SRCAP: variants seen among roughly 807,000 people sequenced by gnomAD.
SRCAP encodes Snf2 related CREBBP activator protein, also known as chromatin remodeling protein SRCAP.
SRCAP carries 46 observed loss-of-function variants against 263.1 expected under a neutral mutation model. That is an observed-to-expected ratio of 0.17 (90% CI 0.14 to 0.22). The LOEUF (loss-of-function observed/expected upper bound fraction) is 0.22, where lower values mean the gene tolerates loss of function less well. Among genes scored for constraint, SRCAP ranks in the 10% least tolerant of loss-of-function variants. SRCAP has a pLI of 1.00. For synonymous variants in SRCAP, 1,813 were observed against 1,662.1 expected, an observed-to-expected ratio of 1.09 and a Z score of -2.21; for missense variants, 3,695 against 4,181.9, an observed-to-expected ratio of 0.88 and a Z score of 3.21.
chr16:30,733,223 G>A lies in SRCAP; in HGVS notation c.6128-57G>A, dbSNP rs1304835080. 7.4e-5 allele frequency: 117 copies of A among 1,575,684 alleles called. No homozygotes were observed. Among genetic ancestry groups the A allele is most frequent in the Non-Finnish European group, 3.3e-5 (38 of 1,158,734 alleles). ...TTCAACCCCAGCCTTGCATTGCTAA[G>A]CATTCTACCCATTGCGGCTTGTAGC... On this transcript the variant is annotated intron_variant, in intron 27 of 33. Coordinates refer to ENST00000262518, the MANE Select transcript of SRCAP (RefSeq NM_006662.3). This position sits in a 1 kb window ranked among gnomAD's most constrained non-coding sequence, Gnocchi z 5.3.
chr16:30,708,908 T>C (rs2151287026), intron 6 of SRCAP, among the ~76,000 whole-genome samples: 1 of 152,264 alleles, frequency 6.6e-6, no homozygotes, highest in South Asian at 2.1e-4. Context: ...AACCTCTGCC[T>C]CCCAGGTTCA....
chr16:30,716,587 C>G (rs776239138), intron 18 of SRCAP, 108 bp downstream of exon 18: 69 of 938,778 alleles, frequency 7.3e-5, no homozygotes, highest in Non-Finnish European at 1.1e-4. Context: ...CATGACTCCC[C>G]TATCATTCCC....
Position 30,720,703 on chromosome 16 carries a change from T to A in SRCAP, c.2988-10T>A. 6.3e-7 allele frequency: 1 copy of A among 1,580,832 alleles called. No individual in the cohort carries two copies. The highest frequency in any genetic ancestry group is 8.6e-7 in the Non-Finnish European group (1 of 1,160,878). On this transcript the variant is annotated splice_polypyrimidine_tract_variant and intron_variant, in intron 19 of 33. Coordinates refer to ENST00000262518, the MANE Select transcript of SRCAP (RefSeq NM_006662.3). ...CTGTCCCTACCCACTCTCTTAATTT[T>A]TTCTCACAGGATGCTGCAGCCAGTA...
rs2053093051 is a variant in SRCAP, at chr16:30,729,447, C to T, written c.6002C>T (p.Pro2001Leu). 1.2e-6 allele frequency: 2 copies of T among 1,614,112 alleles called. No individual in the cohort carries two copies. Among genetic ancestry groups the T allele is most frequent in the African/African-American group, 2.7e-5 (2 of 74,932 alleles). ...TGCCACCCACCTCCTTGGCTGGCCC[C>T]ACGTCAGGCAGCCTTCCAGGAGCAA... ...HACHPPPWLA[P>L]RQAAFQEQLA... Residue 2001 changes from proline to leucine, a missense_variant, in exon 27 of 34, where the codon CCA (proline) becomes CTA (leucine). This residue lies in a region of SRCAP where 1,347 missense variants were observed against 1,304.4 expected (regional missense o/e 1.03). Coordinates refer to ENST00000262518, the MANE Select transcript of SRCAP (RefSeq NM_006662.3).
At chr16:30,730,223 T>A (rs77470611) in intron 27 of SRCAP, among the ~76,000 whole-genome samples, 1 of 152,208 alleles carries the variant, frequency 6.6e-6, no homozygotes, top group Non-Finnish European at 1.5e-5. Context: ...GGAAAAGATG[T>A]CTGGTGGTAC....
chr16:30,700,244 A>G (rs2052750233), intron 2 of SRCAP, among the ~76,000 whole-genome samples: 1 of 152,192 alleles, frequency 6.6e-6, no homozygotes, highest in Non-Finnish European at 1.5e-5. Context: ...AAGCCCTCCT[A>G]TCACTTTTTT....
chr16:30,721,406 A>C lies in SRCAP; in HGVS notation c.3471A>C (p.Thr1157=). The C allele has an allele frequency of 6.2e-7, 1 of 1,613,688 alleles. No individual in the cohort carries two copies. The highest frequency in any genetic ancestry group is 8.5e-7 in the Non-Finnish European group (1 of 1,180,026). Residue 1157 remains threonine (T), a synonymous_variant, in exon 21 of 34, where the codon ACA becomes ACC. Transcript: ENST00000262518. ...TSTTTATATT[T]AVPAPTPAPQ... is the part of the protein sequence containing the mutation. ...CCACCACGGCAACTGCTACCACCAC[A>C]GCAGTGCCAGCTCCGACTCCTGCAC...
Position 30,709,720 on chromosome 16 carries a change from C to T in SRCAP, c.841C>T (p.Arg281Cys), listed in dbSNP as rs1480712980. 6 of 1,614,034 alleles carry T rather than the reference C, an allele frequency of 3.7e-6. No individual in the cohort carries two copies. The highest frequency in any genetic ancestry group is 3.3e-5 in the South Asian group (3 of 91,080). Residue 281 changes from arginine to cysteine, a missense_variant, in exon 7 of 34, where the codon CGC becomes TGC. Coordinates refer to ENST00000262518, the MANE Select transcript of SRCAP (RefSeq NM_006662.3). ...AASSPPPPAS[R>C]LDDEDGDFQP... ...CTCCAGTCCTCCACCCCCTGCTTCT[C>T]GCCTGGATGATGAAGGTGTGTGTTC... is the stretch of plus-strand genomic sequence containing the variant.
At position 30,725,022 on chromosome 16, in the gene SRCAP, G is replaced by C. The variant is rs776887179; in HGVS notation, c.5598G>C (p.Ser1866=). 1.9e-6 allele frequency: 3 copies of C among 1,611,524 alleles called. No homozygotes were observed. In the South Asian group the frequency reaches 3.3e-5, roughly 18 times the overall value. Residue 1866 remains serine (S), a synonymous_variant, in exon 25 of 34, where the codon TCG becomes TCC. Coordinates refer to ENST00000262518, the MANE Select transcript of SRCAP (RefSeq NM_006662.3). ...CCAGCCCTCCCTCCACTGCTACCTC[G>C]TTTGGTGGCCCCCGGCCTCGACGCC... ...GPPSPPSTAT[S]FGGPRPRRQP...
chr16:30,720,416 G>A, intron 19 of SRCAP, 85 bp downstream of exon 19: 1 of 1,467,050 alleles, frequency 6.8e-7, no homozygotes. Flanking sequence ...GAAGAAAAGA[G>A]TTGGATGCAA....
chr16:30,723,801 C>A lies in SRCAP; in HGVS notation c.4377C>A (p.Ile1459=). Reference sequence around the variant, plus strand: ...CCTCGGCTCCACTCACCATCCCCATCTCAGCCCCCTTGACTGTTTCTGCTT... The same window carrying A: ...CCTCGGCTCCACTCACCATCCCCATATCAGCCCCCTTGACTGTTTCTGCTT... ...APASAPLTIP[I]SAPLTVSASG... The change falls in exon 25 of 34, where the codon ATC becomes ATA. Residue 1459 remains isoleucine (I), a synonymous_variant. Coordinates refer to ENST00000262518, the MANE Select transcript of SRCAP (RefSeq NM_006662.3). 6.2e-7 allele frequency: 1 copy of A among 1,614,078 alleles called. No individual in the cohort carries two copies. The highest frequency in any genetic ancestry group is 8.5e-7 in the Non-Finnish European group (1 of 1,180,002).
chr16:30,716,457 C>A lies in SRCAP; in HGVS notation c.2795C>A (p.Ala932Asp). The A allele has an allele frequency of 6.2e-7, 1 of 1,613,280 alleles. No homozygotes were observed. Among genetic ancestry groups the A allele is most frequent in the Non-Finnish European group, 8.5e-7 (1 of 1,179,694 alleles). The change falls in exon 18 of 34, where the codon GCC becomes GAC. Residue 932 changes from alanine to aspartate, a missense_variant. By Grantham distance (126) the Ala-to-Asp change is moderately radical. Coordinates refer to ENST00000262518, the MANE Select transcript of SRCAP (RefSeq NM_006662.3). ...CFSTASLVLR[A>D]TDVHPLQRID... ...AGCACCGCCTCTCTGGTGCTAAGGGCCACGGATGTCCATCCCCTCCAGGTA... is the reference window on the plus strand; with the variant it reads ...AGCACCGCCTCTCTGGTGCTAAGGGACACGGATGTCCATCCCCTCCAGGTA...
rs1424486075 is a variant in SRCAP, at chr16:30,740,147, C to T, written c.*414C>T. 1 of 151,682 alleles carries T rather than the reference C, an allele frequency of 6.6e-6. No homozygotes were observed. The highest frequency in any genetic ancestry group is 1.5e-5 in the Non-Finnish European group (1 of 68,712). 9.4% of individuals were successfully genotyped at this position (151,682 alleles called of 1,614,324 possible). ...TATGAGCATCCGCGTAAGGAGGCTTCTGATTTTCTGGTCTGGTGGAGGGTT... is the reference window on the plus strand; with the variant it reads ...TATGAGCATCCGCGTAAGGAGGCTTTTGATTTTCTGGTCTGGTGGAGGGTT... On this transcript the variant is annotated 3_prime_UTR_variant, in exon 34 of 34. Coordinates refer to ENST00000262518, the MANE Select transcript of SRCAP (RefSeq NM_006662.3).
In SRCAP at chr16:30,733,338, G is replaced by A; in HGVS notation, c.6186G>A (p.Val2062=). 3 of 1,614,158 alleles carry A rather than the reference G, an allele frequency of 1.9e-6. No individual in the cohort carries two copies. Among genetic ancestry groups the A allele is most frequent in the Non-Finnish European group, 2.5e-6 (3 of 1,180,018 alleles). Residue 2062 remains valine (V), a synonymous_variant, in exon 28 of 34, where the codon GTG becomes GTA. Coordinates refer to ENST00000262518, the MANE Select transcript of SRCAP (RefSeq NM_006662.3). This position sits in a 1 kb window ranked among gnomAD's most constrained non-coding sequence, Gnocchi z 5.3. ...AGCTCAAGGCAGAGGGCCACCGAGT[G>A]CTCATCTTCACCCAGATGACCCGAA... is the stretch of plus-strand genomic sequence containing the variant. ...LRQLKAEGHR[V]LIFTQMTRML... is the part of the protein sequence containing the mutation.
rs1460816809 is a variant in SRCAP, at chr16:30,700,754, C to T, written c.-71C>T. The T allele has an allele frequency of 4.8e-6, 7 of 1,460,382 alleles. No homozygotes were observed. The highest frequency in any genetic ancestry group is 6.7e-6 in the Non-Finnish European group (7 of 1,050,446). The allele number at this position is 1,460,382 out of a possible 1,614,324, so 90.5% of individuals were successfully genotyped here. On this transcript the variant is annotated 5_prime_UTR_variant, in exon 3 of 34. Coordinates refer to ENST00000262518, the MANE Select transcript of SRCAP (RefSeq NM_006662.3). ...GCCCTGCAGCCGGACGCCAGCCCCT[C>T]GGCCAGCAGTACTGGTGATAACAAC...
rs35892240 is a variant in SRCAP, at chr16:30,716,145, G to A, written c.2573G>A (p.Arg858His). ...CCCAAAAAGTACGAGCATGTTATCC[G>A]CTGCAGGCTCTCCAAGCGTCAACGC... ...QMPKKYEHVI[R>H]CRLSKRQRCL... The change falls in exon 17 of 34, where the codon CGC becomes CAC. Residue 858 changes from arginine (R) to histidine (H), a missense_variant. By Grantham distance (29) the Arg-to-His change is conservative (BLOSUM62 0). This residue lies in a region of SRCAP where 147 missense variants were observed against 212.7 expected (regional missense o/e 0.69). Coordinates refer to ENST00000262518, the MANE Select transcript of SRCAP (RefSeq NM_006662.3). The A allele has an allele frequency of 4.3e-4, 690 of 1,614,176 alleles. No homozygotes were observed. The highest frequency in any genetic ancestry group is 1.9e-3 in the African/African-American group (140 of 75,048).
chr16:30,701,986 G>T (rs1358874782), intron 3 of SRCAP, among the ~76,000 whole-genome samples: 1 of 145,616 alleles, frequency 6.9e-6, no homozygotes, highest in Non-Finnish European at 1.5e-5. Context: ...ATGGAGTCTC[G>T]CTCTGTCACC....
rs73536499 is a variant in SRCAP, at chr16:30,701,000, C to A, written c.54+122C>A. ...TTGGAGAATCTTTGGTGCTCGGGGG[C>A]TGGGCTGTAGTATATCAGGTCTGTT... On this transcript the variant is annotated intron_variant, in intron 3 of 33. Coordinates refer to ENST00000262518, the MANE Select transcript of SRCAP (RefSeq NM_006662.3). The A allele has an allele frequency of 7.4e-3, 6,970 of 943,688 alleles. 312 individuals carry two copies. In the African/African-American group the frequency reaches 0.1, roughly 14 times the overall value. The allele number at this position is 943,688 out of a possible 1,614,324, so 58.5% of individuals were successfully genotyped here.
intron 6 of SRCAP, among the ~76,000 whole-genome samples, chr16:30,707,947 A>G (rs2052845699): frequency 6.6e-6 from 1 of 152,206 alleles, no homozygotes; most frequent in African/African-American, 2.4e-5. Context: ...GGCATTTAGC[A>G]TGTGTTTACT....
Sources: gnomAD v4.1 joint callset for allele counts (sites outside exome capture counted in the v4.1 genomes callset) on GRCh38, gnomAD v4.1.1 for gene constraint, gnomAD v4.1.1 regional missense constraint, Gnocchi (gnomAD v3.1) non-coding constraint, MANE v1.5 for transcripts, NCBI Gene and HGNC (gene_info 2026-07-23, HGNC 2026-07-21) for gene names.